The following SMARCA2 variants were observed in gnomAD, a reference collection of about 807,000 sequenced individuals.
SMARCA2 encodes the protein SWI/SNF-related matrix-associated actin-dependent regulator of chromatin subfamily A member 2.
Under a neutral mutation model 199.8 loss-of-function variants are expected in SMARCA2, and 61 were observed. That is an observed-to-expected ratio of 0.31 (90% CI 0.25 to 0.38). The LOEUF is 0.38. Among genes scored for constraint, SMARCA2 ranks in the 10% least tolerant of loss-of-function variants. The pLI is 1.00. For synonymous variants in SMARCA2, 935 were observed against 732.0 expected, an observed-to-expected ratio of 1.28 and a Z score of -4.48; for missense variants, 1,344 against 2,012.2, an observed-to-expected ratio of 0.67 and a Z score of 6.35.
intron 26 of SMARCA2, among the ~76,000 whole-genome samples, chr9:2,122,168 C>A (rs1397338505): frequency 6.6e-6 from 1 of 152,118 alleles, no homozygotes; most frequent in Non-Finnish European, 1.5e-5. Context: ...GATTTATTTT[C>A]TCAATTGTGG....
intron 28 of SMARCA2, among the ~76,000 whole-genome samples, chr9:2,165,598 T>G (rs1186072306): frequency 6.6e-6 from 1 of 152,258 alleles, no homozygotes. Context: ...TTGTTTTGAC[T>G]TGTTAAGCAT....
chr9:2,127,666 C>T (rs531100672), intron 27 of SMARCA2, among the ~76,000 whole-genome samples: 4 of 152,280 alleles, frequency 2.6e-5, no homozygotes, highest in South Asian at 4.1e-4. Context: ...TGTGGCCACT[C>T]CAGCTGCAAA....
chr9:2,137,511 A>C (rs1380765887), intron 27 of SMARCA2, among the ~76,000 whole-genome samples: 1 of 152,132 alleles, frequency 6.6e-6, no homozygotes, highest in Non-Finnish European at 1.5e-5. Context: ...CCAGATCTTC[A>C]TGTGGCTGTC....
chr9:2,172,414 C>A (rs898693011), intron 29 of SMARCA2, among the ~76,000 whole-genome samples: 1 of 146,328 alleles, frequency 6.8e-6, no homozygotes, highest in Non-Finnish European at 1.5e-5. Flanking sequence ...GTTTCTCAAA[C>A]AGACGGGTGA....
At position 2,115,903 on chromosome 9, in the gene SMARCA2, G is replaced by A. The variant is rs758850623; in HGVS notation, c.3538G>A (p.Val1180Met). ...ACTGAGGCTCTGTACCGTGAACAGC[G>A]TGGAGGAAAAGATCCTCGCGGCCGC... The part of the protein sequence containing the change: ...RVLRLCTVNS[V>M]EEKILAAAKY... Residue 1180 changes from valine to methionine, a missense_variant, in exon 25 of 34, where the codon GTG (valine) becomes ATG (methionine). Around this residue, in one of 18 missense-constraint regions of SMARCA2, gnomAD observed 36 missense variants for 172.5 expected, o/e 0.21. Transcript: ENST00000349721. The surrounding 1 kb of genome is among the most constrained non-coding windows in gnomAD (Gnocchi z 6.0). 6 of 1,614,088 alleles carry A rather than the reference G, an allele frequency of 3.7e-6. No homozygotes were observed. The highest frequency in any genetic ancestry group is 2.2e-5 in the East Asian group (1 of 44,868).
chr9:2,172,814 G>A (rs1042952363), intron 29 of SMARCA2, among the ~76,000 whole-genome samples: 1 of 152,118 alleles, frequency 6.6e-6, no homozygotes. Context: ...GACACCCAGG[G>A]AGCCGACATC....
At chr9:2,142,715 G>T (rs1824524072) in intron 27 of SMARCA2, among the ~76,000 whole-genome samples, 1 of 152,156 alleles carries the variant, frequency 6.6e-6, no homozygotes, top group East Asian at 1.9e-4. Flanking sequence ...CTGGAGTAGG[G>T]CAAACTGAGA....
intron 3 of SMARCA2, among the ~76,000 whole-genome samples, chr9:2,034,474 GA>G (rs1282715884): frequency 2.0e-5 from 3 of 152,136 alleles, no homozygotes; most frequent in Admixed American, 2.0e-4. Context: ...AATGTAGCCT[GA>G]TTTCAGAGTC....
In SMARCA2 at chr9:2,192,926, TATTTGTAACA is replaced by T; in HGVS notation, c.*188_*197del. ...TGTAAAAAACACACACATACACAAATATTTGTAACATATTGTGACCAAATGGGCCTCAAAG... is the reference window on the plus strand; with the variant it reads ...TGTAAAAAACACACACATACACAAATTATTGTGACCAAATGGGCCTCAAAG... On this transcript the variant is annotated 3_prime_UTR_variant, in exon 34 of 34. Coordinates refer to ENST00000349721, the MANE Select transcript of SMARCA2 (RefSeq NM_003070.5). 1.8e-6 allele frequency: 1 copy of T among 553,868 alleles called. No individual in the cohort carries two copies. Among genetic ancestry groups the T allele is most frequent in the South Asian group, 2.7e-5 (1 of 36,770 alleles). The allele number at this position is 553,868 out of a possible 1,614,324, so 34.3% of individuals were successfully genotyped here.
intron 32 of SMARCA2, among the ~76,000 whole-genome samples, chr9:2,186,572 C>T (rs1306093818): frequency 6.9e-6 from 1 of 145,000 alleles, no homozygotes; most frequent in Non-Finnish European, 1.5e-5. Flanking sequence ...GATCTTAGCT[C>T]ACTGCAACCT....
chr9:2,026,349 A>G lies in SMARCA2; in HGVS notation c.-36-2638A>G, dbSNP rs145152500. On this transcript the variant is annotated intron_variant, in intron 1 of 33. Coordinates refer to ENST00000349721, the MANE Select transcript of SMARCA2 (RefSeq NM_003070.5). ...CTATATAACACGTTCCTATATTAAC[A>G]TTCCAATTATATGCCCGTAATTTTC... is the stretch of plus-strand genomic sequence containing the variant. Among the ~76,000 whole-genome samples the G allele has an allele frequency of 4.3e-3, 656 of 152,336 alleles. 4 individuals are homozygous for G. The highest frequency in any genetic ancestry group is 0.014 in the South Asian group (68 of 4,828).
At chr9:2,142,194 G>A (rs777365663) in intron 27 of SMARCA2, among the ~76,000 whole-genome samples, 13 of 152,172 alleles carry the variant, frequency 8.5e-5, no homozygotes, top group Non-Finnish European at 1.8e-4. Context: ...CTCGTCTTGG[G>A]TGACACTGGA....
chr9:2,181,701 A>T (rs1175918703), intron 30 of SMARCA2, 25 bp downstream of exon 30: 2 of 1,148,322 alleles, frequency 1.7e-6, no homozygotes, highest in Non-Finnish European at 2.6e-6. Flanking sequence ...TACCAACTTT[A>T]TTCTTCAAGT....
intron 5 of SMARCA2, among the ~76,000 whole-genome samples, chr9:2,049,148 A>G (rs756025416): frequency 6.6e-6 from 1 of 152,182 alleles, no homozygotes; most frequent in Non-Finnish European, 1.5e-5. Flanking sequence ...GATGCTTTCT[A>G]TAGCTAGAAA....
chr9:2,039,779 G>GCAGCAGCAA lies in SMARCA2; in HGVS notation c.677_678insACAGCAGCA (p.Gln236_Gln238dup), dbSNP rs778095329. On this transcript the variant is annotated inframe_insertion, in exon 4 of 34. Coordinates refer to ENST00000349721, the MANE Select transcript of SMARCA2 (RefSeq NM_003070.5). This position sits in a 1 kb window ranked among gnomAD's most constrained non-coding sequence, Gnocchi z 4.8. ...TGCAGCAACAACAGCAGCAGCAACA[G>GCAGCAGCAA]CAGCAGCAGCAGCAGCAGCAGCAGC... 2.1e-5 allele frequency: 19 copies of GCAGCAGCAA among 919,688 alleles called. No individual in the cohort carries two copies. In the South Asian group the frequency reaches 5.2e-4, roughly 25 times the overall value. The allele number at this position is 919,688 out of a possible 1,614,324, so 57.0% of individuals were successfully genotyped here. A position where few individuals can be genotyped will look rare whatever the true frequency, so the allele number is the denominator to read the frequency against.
At chr9:2,090,566 T>A (rs1822010078) in intron 19 of SMARCA2, among the ~76,000 whole-genome samples, 1 of 152,206 alleles carries the variant, frequency 6.6e-6, no homozygotes, top group African/African-American at 2.4e-5. Context: ...GAGGATTAAA[T>A]GGATGTAGGG....
rs1226472140 is a variant in SMARCA2 at position 2,086,119 on chromosome 9, C to G, written c.2527-710C>G. 1.3e-5 allele frequency: 2 copies of G among 152,206 alleles called. No individual in the cohort carries two copies. The highest frequency in any genetic ancestry group is 6.5e-5 in the Admixed American group (1 of 15,286). The allele number at this position is 152,206 out of a possible 1,614,324, so 9.4% of individuals were successfully genotyped here. On this transcript the variant is annotated intron_variant, in intron 17 of 33. Coordinates refer to ENST00000349721, the MANE Select transcript of SMARCA2 (RefSeq NM_003070.5). This position sits in a 1 kb window ranked among gnomAD's most constrained non-coding sequence, Gnocchi z 4.3. ...TGCGCTTTCTGCCAGTGAGTATATT[C>G]TTTTATTTTAGATAAAACAGGGGTC...
chr9:2,057,682 A>G (rs1441487442), intron 7 of SMARCA2, among the ~76,000 whole-genome samples: 1 of 152,224 alleles, frequency 6.6e-6, no homozygotes, highest in East Asian at 1.9e-4. Context: ...AAATATTTTG[A>G]TGTAGGATTT....
Position 2,170,346 on chromosome 9 carries a change from C to G in SMARCA2, c.4200-73C>G. 5.0e-6 allele frequency: 8 copies of G among 1,601,092 alleles called. No individual in the cohort carries two copies. The highest frequency in any genetic ancestry group is 3.4e-5 in the South Asian group (3 of 89,456). On this transcript the variant is annotated intron_variant, in intron 28 of 33. Transcript: ENST00000349721. This position sits in a 1 kb window ranked among gnomAD's most constrained non-coding sequence, Gnocchi z 4.7. ...CTGAGGCTTGGCCAGGTCACCCAGC[C>G]TAGGAAGAAGGAGCCGGGCGGGGAC...
Sources: allele counts gnomAD v4.1 joint callset (sites outside exome capture counted in the v4.1 genomes callset), GRCh38; gene constraint gnomAD v4.1.1; regional missense constraint gnomAD v4.1.1; non-coding constraint Gnocchi (gnomAD v3.1); transcripts MANE v1.5; gene names NCBI Gene and HGNC (gene_info 2026-07-23, HGNC 2026-07-21).